Variants in EXOC5 observed in about 807,000 individuals in gnomAD.
The protein encoded by EXOC5 is exocyst complex component 5.
A neutral mutation model predicts 90.8 loss-of-function variants in EXOC5; 17 were observed. The observed-to-expected ratio is 0.19, with a 90% CI of 0.13 to 0.28. The LOEUF (loss-of-function observed/expected upper bound fraction) is 0.28. Among genes scored for constraint, EXOC5 ranks in the 10% least tolerant of loss-of-function variants. EXOC5 has a pLI of 1.00. For missense variants in EXOC5, 569 were observed against 830.6 expected, an observed-to-expected ratio of 0.69 and a Z score of 3.87; for synonymous variants, 260 against 270.0, an observed-to-expected ratio of 0.96 and a Z score of 0.36.
rs1230954103 is a variant in EXOC5, at chr14:57,246,781, A to G, written c.200T>C (p.Leu67Pro). Residue 67 changes from leucine (L) to proline (P), a missense_variant, in exon 3 of 18, where the codon CTA becomes CCA. Leu to Pro is a moderately conservative substitution (Grantham distance 98, BLOSUM62 -3). Transcript: ENST00000621441. ...GGCTTCTTTCTGACATTGTTGCTCT[A>G]GTTTCTCTACTTTCCTCTGAATCCT... ...DERIQRKVEK[L>P]EQQCQKEAKE... 1 of 1,609,414 alleles carries G rather than the reference A, an allele frequency of 6.2e-7. No individual in the cohort carries two copies.
At position 57,208,626 on chromosome 14, in the gene EXOC5, C is replaced by T; in HGVS notation, c.2110G>A (p.Ala704Thr). 6.2e-7 allele frequency: 1 copy of T among 1,602,286 alleles called. No individual in the cohort carries two copies. The highest frequency in any genetic ancestry group is 8.5e-7 in the Non-Finnish European group (1 of 1,171,886). Residue 704 changes from alanine to threonine, a missense_variant, in exon 18 of 18, where the codon GCT becomes ACT. Ala to Thr is a moderately conservative substitution (Grantham distance 58). Transcript: ENST00000621441. Reference sequence around the variant, plus strand: ...ATTCAATCTCAGCTGAAGTGTCGAGCAAGGCGGGCAGATCTATAATCAGCA... The same window carrying T: ...ATTCAATCTCAGCTGAAGTGTCGAGTAAGGCGGGCAGATCTATAATCAGCA... ...LRADYRSARLARHFS is the reference protein window; with the variant it reads ...LRADYRSARLTRHFS
intron 15 of EXOC5, among the ~76,000 whole-genome samples, chr14:57,217,549 T>A (rs376437756): frequency 3.3e-5 from 5 of 152,144 alleles, no homozygotes; most frequent in Non-Finnish European, 2.9e-5. Flanking sequence ...GTGAACCTAA[T>A]TGACAAATGT....
chr14:57,255,906 T>C (rs1884336897), intron 1 of EXOC5, among the ~76,000 whole-genome samples: 1 of 151,406 alleles, frequency 6.6e-6, no homozygotes, highest in Non-Finnish European at 1.5e-5. Flanking sequence ...AAAGGCTTTA[T>C]ATGATGCTGT....
In EXOC5 at chr14:57,213,200, T is replaced by C. The variant is rs1882877217; in HGVS notation, c.1614-3139A>G. 2.6e-5 allele frequency among the ~76,000 whole-genome samples: 4 copies of C among 151,744 alleles called. No homozygotes were observed. In the South Asian group the frequency reaches 8.3e-4, roughly 32 times the overall value. ...GAATTCAAGAACAGCCTGGGCAACATAATGAGACCCTATCTCTACATATAA... is the reference window on the plus strand; with the variant it reads ...GAATTCAAGAACAGCCTGGGCAACACAATGAGACCCTATCTCTACATATAA... On this transcript the variant is annotated intron_variant, in intron 15 of 17. Coordinates refer to ENST00000621441, the MANE Select transcript of EXOC5 (RefSeq NM_006544.4).
At chr14:57,267,076 T>C (rs1031073870) in intron 1 of EXOC5, among the ~76,000 whole-genome samples, 2 of 152,138 alleles carry the variant, frequency 1.3e-5, no homozygotes, top group Non-Finnish European at 2.9e-5. Context: ...ACTTCATCGT[T>C]TTCTCCCTTT....
intron 17 of EXOC5, among the ~76,000 whole-genome samples, 153 bp from the exon 18 acceptor site, chr14:57,208,950 A>T (rs1882741942): frequency 6.6e-6 from 1 of 152,214 alleles, no homozygotes; most frequent in South Asian, 2.1e-4. Context: ...ATGCATTAAA[A>T]CTTAAAGATT....
At chr14:57,220,048 C>T (rs1883081285) in intron 13 of EXOC5, among the ~76,000 whole-genome samples, 1 of 151,962 alleles carries the variant, frequency 6.6e-6, no homozygotes, top group Admixed American at 6.6e-5. Context: ...CTCTAAGGTC[C>T]TAGATGTTTA....
chr14:57,212,793 C>T (rs1235901820), intron 15 of EXOC5, among the ~76,000 whole-genome samples: 1 of 152,154 alleles, frequency 6.6e-6, no homozygotes, highest in Non-Finnish European at 1.5e-5. Flanking sequence ...CCACGATTCC[C>T]TTCCATTTTC....
At chr14:57,255,852 AAAGG>A (rs1291027905) in intron 1 of EXOC5, among the ~76,000 whole-genome samples, 1 of 151,966 alleles carries the variant, frequency 6.6e-6, no homozygotes, top group Non-Finnish European at 1.5e-5. Flanking sequence ...AAAAAAAAAA[AAAGG>A]AAGCACTATT....
intron 17 of EXOC5, 31 bp from the exon 18 acceptor site, chr14:57,208,828 G>A: frequency 7.0e-7 from 1 of 1,425,482 alleles, no homozygotes; most frequent in Middle Eastern, 1.9e-4. Context: ...AAGTAACATT[G>A]AAACAAAACA....
chr14:57,260,788 C>T (rs1275241568), intron 1 of EXOC5, among the ~76,000 whole-genome samples: 3 of 152,100 alleles, frequency 2.0e-5, no homozygotes, highest in African/African-American at 7.2e-5. Context: ...GGTACTAAAC[C>T]AGGATTCTAA....
rs1225364650 is a variant in EXOC5 at position 57,203,403 on chromosome 14, C to CTT, written c.*5205_*5206insAA. On this transcript the variant is annotated 3_prime_UTR_variant, in exon 18 of 18. Coordinates refer to ENST00000621441, the MANE Select transcript of EXOC5 (RefSeq NM_006544.4). ...CCTCTCAAAGTTTAATCTCAAAACT[C>CTT]TGGAAGTCCACCAATGGAGACTAAT... The CTT allele has an allele frequency of 1.3e-5, 2 of 152,222 alleles. No homozygotes were observed. The highest frequency in any genetic ancestry group is 2.9e-5 in the Non-Finnish European group (2 of 68,042). 9.4% of individuals were successfully genotyped at this position (152,222 alleles called of 1,614,324 possible).
chr14:57,266,187 C>T (rs1884664243), intron 1 of EXOC5, among the ~76,000 whole-genome samples: 1 of 152,176 alleles, frequency 6.6e-6, no homozygotes, highest in African/African-American at 2.4e-5. Flanking sequence ...AACCAAACAT[C>T]CTTGACTACA....
At chr14:57,218,597 T>C (rs1017560680) in intron 14 of EXOC5, among the ~76,000 whole-genome samples, 1 of 152,082 alleles carries the variant, frequency 6.6e-6, no homozygotes, top group African/African-American at 2.4e-5. Context: ...GCAACCCTAA[T>C]AATTGTGTGA....
intron 5 of EXOC5, among the ~76,000 whole-genome samples, chr14:57,237,917 A>T (rs1449198372): frequency 1.3e-5 from 2 of 152,130 alleles, no homozygotes; most frequent in Non-Finnish European, 2.9e-5. Flanking sequence ...CAGAGTAGCC[A>T]TTCAATCTTT....
Position 57,209,744 on chromosome 14 carries a change from C to T in EXOC5, c.1761G>A (p.Val587=), listed in dbSNP as rs763281779. ...CATCCATGGAATTTTTAATCTTCTC[C>T]ACTTGTTTTCTTACGTAAGCACAGA... is the stretch of plus-strand genomic sequence containing the variant. The part of the protein sequence containing the change: ...VKVCAYVRKQ[V]EKIKNSMDGK... Residue 587 remains valine, a synonymous_variant, in exon 17 of 18, where the codon GTG becomes GTA. Transcript: ENST00000621441. 6.8e-6 allele frequency: 11 copies of T among 1,612,212 alleles called. No homozygotes were observed. Among genetic ancestry groups the T allele is most frequent in the African/African-American group, 2.7e-5 (2 of 74,906 alleles).
intron 1 of EXOC5, among the ~76,000 whole-genome samples, chr14:57,249,545 C>T (rs1884127779): frequency 6.6e-6 from 1 of 151,876 alleles, no homozygotes; most frequent in South Asian, 2.1e-4. Flanking sequence ...TATAGTATTC[C>T]TTCATTCAGC....
rs118021307 is a variant in EXOC5 at position 57,256,850 on chromosome 14, C to A, written c.28-9138G>T. On this transcript the variant is annotated intron_variant, in intron 1 of 17. Coordinates refer to ENST00000621441, the MANE Select transcript of EXOC5 (RefSeq NM_006544.4). ...CAACTCTGACAGGTCATTTTAGTTT[C>A]AGACCTCCCCACAGAAGCCATCAAC... 2.0e-4 allele frequency among the ~76,000 whole-genome samples: 30 copies of A among 152,340 alleles called. 1 individual carries two copies. The East Asian group carries it at 5.4e-3, about 27-fold the overall frequency.
chr14:57,248,889 C>T (rs1424009660), intron 1 of EXOC5, among the ~76,000 whole-genome samples: 1 of 152,046 alleles, frequency 6.6e-6, no homozygotes, highest in Non-Finnish European at 1.5e-5. Flanking sequence ...GATAATCAGC[C>T]TCTAGTCTGC....
Sources: allele counts gnomAD v4.1 joint callset (sites outside exome capture counted in the v4.1 genomes callset), GRCh38; gene constraint gnomAD v4.1.1; transcripts MANE v1.5; gene names NCBI Gene and HGNC (gene_info 2026-07-23, HGNC 2026-07-21).